DLG2: variants seen among roughly 807,000 people sequenced by gnomAD.
The protein encoded by DLG2 is discs large MAGUK scaffold protein 2, also known as disks large homolog 2.
Under a neutral mutation model 132.5 loss-of-function variants are expected in DLG2, and 45 were observed. The ratio of observed to expected loss-of-function variants is 0.34; its 90% confidence interval spans 0.27 to 0.44. The LOEUF (loss-of-function observed/expected upper bound fraction) is 0.44, where lower values mean the gene tolerates loss of function less well. Ranked by LOEUF, DLG2 falls within the 20% of genes least tolerant of loss-of-function variation. DLG2 has a pLI of 1.00. For synonymous variants in DLG2, 424 were observed against 419.6 expected (o/e 1.01, Z -0.13); for missense variants, 1,045 against 1,196.9 (o/e 0.87, Z 1.87).
intron 8 of DLG2, among the ~76,000 whole-genome samples, chr11:84,214,821 T>C (rs948654916): frequency 3.9e-5 from 6 of 152,224 alleles, no homozygotes; most frequent in African/African-American, 1.4e-4. Context: ...AGTAGTTATC[T>C]TTTCAGGCAC....
At chr11:84,697,857 A>T (rs892961098) in intron 6 of DLG2, among the ~76,000 whole-genome samples, 1 of 151,464 alleles carries the variant, frequency 6.6e-6, no homozygotes, top group Non-Finnish European at 1.5e-5. Context: ...ATTATGTTAC[A>T]GCTAGATGGA....
chr11:84,051,122 T>TAAC (rs2096367813), intron 11 of DLG2, among the ~76,000 whole-genome samples: 1 of 151,724 alleles, frequency 6.6e-6, no homozygotes, highest in Non-Finnish European at 1.5e-5. Flanking sequence ...AGACAGGAAA[T>TAAC]AACGGGTGCT....
chr11:84,893,244 G>A (rs760253415), intron 6 of DLG2, among the ~76,000 whole-genome samples: 4 of 152,108 alleles, frequency 2.6e-5, no homozygotes, highest in Non-Finnish European at 4.4e-5. Flanking sequence ...TGCCCATCTG[G>A]TGCCTAAGCA....
intron 6 of DLG2, among the ~76,000 whole-genome samples, chr11:85,050,829 G>C (rs1201061873): frequency 6.6e-6 from 1 of 152,124 alleles, no homozygotes; most frequent in Non-Finnish European, 1.5e-5. Context: ...ACCTACTCAT[G>C]CTTTTTTAAT....
chr11:83,523,575 T>C (rs1310911991), intron 21 of DLG2, among the ~76,000 whole-genome samples: 1 of 152,202 alleles, frequency 6.6e-6, no homozygotes, highest in Non-Finnish European at 1.5e-5. Flanking sequence ...TTCAGTTTTC[T>C]CATCTGCAAA....
intron 7 of DLG2, among the ~76,000 whole-genome samples, chr11:84,492,393 A>C (rs2099167498): frequency 6.6e-6 from 1 of 152,170 alleles, no homozygotes; most frequent in African/African-American, 2.4e-5. Context: ...TTTAGAATGC[A>C]CAGGCTTTTG....
intron 9 of DLG2, among the ~76,000 whole-genome samples, chr11:84,134,710 G>C (rs1409459687): frequency 1.3e-5 from 2 of 151,830 alleles, no homozygotes; most frequent in African/African-American, 4.8e-5. Context: ...GTGTGTGTGT[G>C]TGTGTGTCTG....
intron 14 of DLG2, among the ~76,000 whole-genome samples, chr11:83,953,389 C>A (rs772635947): frequency 5.9e-5 from 9 of 152,122 alleles, no homozygotes; most frequent in Admixed American, 4.6e-4. Flanking sequence ...AAGGAGCGAA[C>A]CCTACTGTGA....
chr11:85,430,182 T>G (rs1905660), intron 3 of DLG2, among the ~76,000 whole-genome samples: 2 of 144,648 alleles, frequency 1.4e-5, no homozygotes, highest in South Asian at 2.3e-4. Flanking sequence ...ACACAGGAAG[T>G]GGAACATCAC....
intron 5 of DLG2, chr11:85,133,016 G>C (rs1323861968): frequency 2.9e-6 from 1 of 342,978 alleles, no homozygotes; most frequent in Non-Finnish European, 5.8e-6. Context: ...CTAGAAATCA[G>C]CTCCGGCAAA....
chr11:85,301,558 G>C (rs1205394999), intron 3 of DLG2, among the ~76,000 whole-genome samples: 1 of 152,142 alleles, frequency 6.6e-6, no homozygotes, highest in African/African-American at 2.4e-5. Context: ...CTAGAACTGT[G>C]AGGGGGCTGA....
Position 83,982,060 on chromosome 11 carries a change from G to A in DLG2, c.920-1418C>T, listed in dbSNP as rs1272791472. On this transcript the variant is annotated intron_variant, in intron 11 of 27. Transcript: ENST00000376104. ...TAATGATTACTAAGGTGTTTGTGGT[G>A]ATGCAGTGTAAATGAACCTACTGCA... Among the ~76,000 whole-genome samples, 4 of 152,148 alleles carry A rather than the reference G, an allele frequency of 2.6e-5. No individual in the cohort carries two copies. The South Asian group carries it at 6.2e-4, about 24-fold the overall frequency.
chr11:84,622,132 T>C (rs1334134266), intron 6 of DLG2, among the ~76,000 whole-genome samples: 2 of 152,232 alleles, frequency 1.3e-5, no homozygotes, highest in African/African-American at 2.4e-5. Flanking sequence ...GCTTTGTATT[T>C]AGATTTTGCT....
At chr11:84,565,961 T>G (rs571879330) in intron 6 of DLG2, among the ~76,000 whole-genome samples, 607 of 59,940 alleles carry the variant, frequency 0.01, 6 homozygotes, top group African/African-American at 0.046. Context: ...TATGATGAAG[T>G]TTTTTTTTTT....
At chr11:84,304,249 CTGT>C (rs2098189631) in intron 7 of DLG2, among the ~76,000 whole-genome samples, 1 of 152,176 alleles carries the variant, frequency 6.6e-6, no homozygotes, top group South Asian at 2.1e-4. Context: ...AGCTATGCTA[CTGT>C]GAGTTAGGCT....
intron 15 of DLG2, among the ~76,000 whole-genome samples, chr11:83,893,094 G>T (rs989613191): frequency 1.3e-4 from 20 of 152,118 alleles, no homozygotes; most frequent in African/African-American, 4.3e-4. Context: ...CCATTAACAA[G>T]TTGTTTTACT....
At chr11:85,037,233 G>A (rs746890510) in intron 6 of DLG2, among the ~76,000 whole-genome samples, 69 of 152,142 alleles carry the variant, frequency 4.5e-4, no homozygotes, top group African/African-American at 1.2e-3. Context: ...ACATCATATC[G>A]TCACAGTCTC....
intron 19 of DLG2, among the ~76,000 whole-genome samples, chr11:83,567,452 T>A (rs1482093073): frequency 6.6e-6 from 1 of 152,176 alleles, no homozygotes; most frequent in African/African-American, 2.4e-5. Context: ...CCTTTCTCTA[T>A]CTTCGTTTTC....
intron 6 of DLG2, among the ~76,000 whole-genome samples, chr11:84,690,844 A>G (rs936769276): frequency 3.3e-5 from 5 of 151,880 alleles, no homozygotes; most frequent in African/African-American, 1.2e-4. Flanking sequence ...AAGACTTTGC[A>G]TTTAACCACT....
Sources: gnomAD v4.1 joint callset for allele counts (sites outside exome capture counted in the v4.1 genomes callset) on GRCh38, gnomAD v4.1.1 for gene constraint, MANE v1.5 for transcripts, NCBI Gene and HGNC (gene_info 2026-07-23, HGNC 2026-07-21) for gene names.